REXO1: variants seen among roughly 807,000 people sequenced by gnomAD.
REXO1 encodes the protein RNA exonuclease 1 homolog.
Under a neutral mutation model 102.6 loss-of-function variants are expected in REXO1, and 42 were observed. The ratio of observed to expected loss-of-function variants is 0.41; its 90% CI spans 0.32 to 0.53. The LOEUF (loss-of-function observed/expected upper bound fraction) is 0.53, where lower values mean the gene tolerates loss of function less well. REXO1 is among the 20% of genes least tolerant of loss of function. REXO1 has a pLI of 0.27. For missense variants in REXO1, 1,819 were observed against 1,732.5 expected (o/e 1.05, Z -0.89); for synonymous variants, 908 against 779.1 (o/e 1.17, Z -2.76).
In REXO1 at chr19:1,815,931, C is replaced by G; in HGVS notation, c.*135G>C. 6.5e-7 allele frequency: 1 copy of G among 1,534,834 alleles called. No individual in the cohort carries two copies. Among genetic ancestry groups the G allele is most frequent in the African/African-American group, 1.4e-5 (1 of 73,118 alleles). ...GGCTGGGCTGGGCGTTCTCTGGCCG[C>G]CAGCTCATCCCGCTGCTCTGGGCTG... On this transcript the variant is annotated 3_prime_UTR_variant, in exon 16 of 16. Coordinates refer to ENST00000170168, the MANE Select transcript of REXO1 (RefSeq NM_020695.4). The surrounding 1 kb of genome is among the most constrained non-coding windows in gnomAD (Gnocchi z 4.0).
intron 1 of REXO1, among the ~76,000 whole-genome samples, chr19:1,834,203 C>T (rs1027661651): frequency 2.0e-5 from 3 of 152,148 alleles, no homozygotes; most frequent in Non-Finnish European, 2.9e-5. Context: ...AGCAGACACC[C>T]GCGAGCCCTT....
At chr19:1,821,383 G>A (rs2069534308) in intron 5 of REXO1, 136 bp downstream of exon 5, 1 of 973,334 alleles carries the variant, frequency 1.0e-6, no homozygotes, top group African/African-American at 1.7e-5. Context: ...GGGAGGGAAG[G>A]TGAAGGCTGT....
intron 1 of REXO1, among the ~76,000 whole-genome samples, chr19:1,842,518 C>T (rs867037255): frequency 6.6e-6 from 1 of 152,278 alleles, no homozygotes; most frequent in Admixed American, 6.5e-5. Flanking sequence ...AATATGAATA[C>T]CAAAACCAGC....
chr19:1,826,127 G>A lies in REXO1; in HGVS notation c.1912-184C>T, dbSNP rs1179705677. ...GGTGCAGTCGGAGGGGTGGGCAGGTGTCACACGTTCTGCAGATGCCCAAGG... is the reference window on the plus strand; with the variant it reads ...GGTGCAGTCGGAGGGGTGGGCAGGTATCACACGTTCTGCAGATGCCCAAGG... On this transcript the variant is annotated intron_variant, in intron 2 of 15. Coordinates refer to ENST00000170168, the MANE Select transcript of REXO1 (RefSeq NM_020695.4). The surrounding 1 kb of genome is among the most constrained non-coding windows in gnomAD (Gnocchi z 4.3). Among the ~76,000 whole-genome samples, 1 of 152,140 alleles carries A rather than the reference G, an allele frequency of 6.6e-6. No individual in the cohort carries two copies. Among genetic ancestry groups the A allele is most frequent in the Admixed American group, 6.5e-5 (1 of 15,284 alleles).
Position 1,828,230 on chromosome 19 carries a change from T to G in REXO1, c.559A>C (p.Arg187=). The change falls in exon 2 of 16, where the codon AGG becomes CGG. Residue 187 remains arginine, a synonymous_variant. Transcript: ENST00000170168. The part of the protein sequence containing the change: ...GSKYSLASLD[R]GQGRGGGGGG... The stretch of plus-strand genomic sequence containing the variant: ...CCCCCTCCACCTCTGCCCTGACCCC[T>G]GTCCAGGGACGCCAGCGAGTACTTG... 1 of 1,606,602 alleles carries G rather than the reference T, an allele frequency of 6.2e-7. No homozygotes were observed.
In REXO1 at chr19:1,826,960, G is replaced by C. The variant is rs752580102; in HGVS notation, c.1829C>G (p.Ser610Cys). Residue 610 changes from serine to cysteine, a missense_variant, in exon 2 of 16, where the codon TCC (serine) becomes TGC (cysteine). Coordinates refer to ENST00000170168, the MANE Select transcript of REXO1 (RefSeq NM_020695.4). This position sits in a 1 kb window ranked among gnomAD's most constrained non-coding sequence, Gnocchi z 4.3. ...SALEKEVDFD[S>C]DPMEECLRIF... ...CCGCAGGCACTCCTCCATGGGGTCG[G>C]AGTCAAAGTCCACCTCCTTCTCCAG... is the stretch of plus-strand genomic sequence containing the variant. 6.4e-7 allele frequency: 1 copy of C among 1,573,956 alleles called. No homozygotes were observed. The highest frequency in any genetic ancestry group is 1.3e-5 in the African/African-American group (1 of 74,268).
rs769103383 is a variant in REXO1, at chr19:1,828,617, G to A, written c.172C>T (p.Pro58Ser). ...APPAAGLGYD[P>S]YNPELPKPPA... ...GGCTTGGGCAGCTCAGGGTTGTAGG[G>A]GTCGTAACCCAGCCCTGAAGGGAAC... The change falls in exon 2 of 16, where the codon CCC becomes TCC. Residue 58 changes from proline (P) to serine (S), a missense_variant. By Grantham distance (74) the Pro-to-Ser change is moderately conservative. Transcript: ENST00000170168. 6 of 1,600,166 alleles carry A rather than the reference G, an allele frequency of 3.7e-6. No homozygotes were observed. Among genetic ancestry groups the A allele is most frequent in the Admixed American group, 1.7e-5 (1 of 59,900 alleles).
At chr19:1,818,059 T>C (rs2069423785) in intron 10 of REXO1, among the ~76,000 whole-genome samples, 2 of 152,146 alleles carry the variant, frequency 1.3e-5, no homozygotes, top group Admixed American at 6.5e-5. Context: ...GCGATGGCTT[T>C]AGGGGCCGCC....
intron 1 of REXO1, among the ~76,000 whole-genome samples, chr19:1,842,427 TCTC>T (rs2011326361): frequency 6.6e-6 from 1 of 152,202 alleles, no homozygotes. Flanking sequence ...TCTCCAGACA[TCTC>T]CTAACATTCC....
chr19:1,848,456 G>A lies in REXO1; in HGVS notation c.-98C>T, dbSNP rs1267780900. ...CCGCCGCCCGCGCCTCACGGACCCCGCCGCCGCCATCTTGCTCCGAGGCCC... is the reference window on the plus strand; with the variant it reads ...CCGCCGCCCGCGCCTCACGGACCCCACCGCCGCCATCTTGCTCCGAGGCCC... On this transcript the variant is annotated 5_prime_UTR_variant, in exon 1 of 16. Coordinates refer to ENST00000170168, the MANE Select transcript of REXO1 (RefSeq NM_020695.4). The A allele has an allele frequency of 3.4e-4, 310 of 915,752 alleles. 1 individual carries two copies. Among genetic ancestry groups the A allele is most frequent in the Middle Eastern group, 2.4e-3 (5 of 2,044 alleles). 56.7% of individuals were successfully genotyped at this position (915,752 alleles called of 1,614,324 possible).
In REXO1 at chr19:1,817,202, G is replaced by A; in HGVS notation, c.3201+17C>T. 6.2e-7 allele frequency: 1 copy of A among 1,610,950 alleles called. No individual in the cohort carries two copies. Among genetic ancestry groups the A allele is most frequent in the Non-Finnish European group, 8.5e-7 (1 of 1,179,890 alleles). ...TCCCCAATCCTGAACCCGACGCTGG[G>A]CAGAGAACAGCCTCACCATCTCGCA... is the stretch of plus-strand genomic sequence containing the variant. On this transcript the variant is annotated intron_variant, in intron 12 of 15. Transcript: ENST00000170168.
In REXO1 at chr19:1,827,432, G is replaced by C. The variant is rs200225027; in HGVS notation, c.1357C>G (p.Arg453Gly). 16 of 1,552,540 alleles carry C rather than the reference G, an allele frequency of 1.0e-5. No homozygotes were observed. Among genetic ancestry groups the C allele is most frequent in the Non-Finnish European group, 1.4e-5 (16 of 1,159,678 alleles). The stretch of plus-strand genomic sequence containing the variant: ...GTGGGGCTCGGCCGCCGCGCTGGCC[G>C]GTCAGGCCTCCCTTTCCCTGAGGTG... Reference protein sequence around the residue: ...VATSGKGRPDRPARRPSPTSG... With the variant: ...VATSGKGRPDGPARRPSPTSG... Residue 453 changes from arginine (R) to glycine (G), a missense_variant, in exon 2 of 16, where the codon CGG (arginine) becomes GGG (glycine). Physicochemically the swap from Arg to Gly is moderately radical, Grantham distance 125. Coordinates refer to ENST00000170168, the MANE Select transcript of REXO1 (RefSeq NM_020695.4).
chr19:1,839,452 G>A (rs2011199642), intron 1 of REXO1, among the ~76,000 whole-genome samples: 1 of 151,968 alleles, frequency 6.6e-6, no homozygotes, highest in African/African-American at 2.4e-5. Flanking sequence ...TCCACGGGGC[G>A]CTGCCCCTCA....
chr19:1,819,040 G>A lies in REXO1; in HGVS notation c.2742C>T (p.Ser914=). The A allele has an allele frequency of 6.2e-7, 1 of 1,602,364 alleles. No homozygotes were observed. The highest frequency in any genetic ancestry group is 1.1e-5 in the South Asian group (1 of 90,018). ...TACCTTTCAGGTCCTCCACCCGGGG[G>A]CTGCTTGGACGGCTGAGCGAGAAGC... ...KTSFSLSRPS[S]PRVEDLKGAA... is the part of the protein sequence containing the mutation. Residue 914 remains serine, a synonymous_variant, in exon 8 of 16, where the codon AGC becomes AGT. Transcript: ENST00000170168.
In REXO1 at chr19:1,819,921, C is replaced by T. The variant is rs199594531; in HGVS notation, c.2650+13G>A. On this transcript the variant is annotated intron_variant, in intron 7 of 15. Transcript: ENST00000170168. ...CAACCCTGAGCCTCCCCCGCCCACC[C>T]GCCAGGACTCACTGCTGAGGCCGGG... 1.0e-3 allele frequency: 1,603 copies of T among 1,567,088 alleles called. 5 individuals carry two copies. The highest frequency in any genetic ancestry group is 8.2e-3 in the African/African-American group (597 of 72,546).
chr19:1,843,403 C>T (rs943535203), intron 1 of REXO1, among the ~76,000 whole-genome samples: 1 of 152,186 alleles, frequency 6.6e-6, no homozygotes, highest in African/African-American at 2.4e-5. Flanking sequence ...AAGAAACGGC[C>T]TCAGCACCAC....
chr19:1,822,105 A>G, intron 4 of REXO1: 1 of 414,324 alleles, frequency 2.4e-6, no homozygotes, highest in South Asian at 7.2e-5. Flanking sequence ...GTCACAAACC[A>G]GAGGGAGGAG....
In REXO1 at chr19:1,826,929, G is replaced by A. The variant is rs1599142385; in HGVS notation, c.1860C>T (p.Phe620=). The change falls in exon 2 of 16, where the codon TTC becomes TTT. Residue 620 remains phenylalanine, a synonymous_variant. Transcript: ENST00000170168. This position sits in a 1 kb window ranked among gnomAD's most constrained non-coding sequence, Gnocchi z 4.3. ...CCGTCTTGACGCTGGTGGACTCGTT[G>A]AAGATCCGCAGGCACTCCTCCATGG... The part of the protein sequence containing the change: ...SDPMEECLRI[F]NESTSVKTED... The A allele has an allele frequency of 1.3e-6, 2 of 1,583,926 alleles. No individual in the cohort carries two copies. Among genetic ancestry groups the A allele is most frequent in the Admixed American group, 3.6e-5 (2 of 56,276 alleles).
Position 1,817,745 on chromosome 19 carries a change from A to G in REXO1, c.3052T>C (p.Ser1018Pro). 6.2e-7 allele frequency: 1 copy of G among 1,612,464 alleles called. No individual in the cohort carries two copies. The highest frequency in any genetic ancestry group is 1.1e-5 in the South Asian group (1 of 91,008). The change falls in exon 11 of 16, where the codon TCG becomes CCG. Residue 1018 changes from serine (S) to proline (P), a missense_variant. By Grantham distance (74) the Ser-to-Pro change is moderately conservative. Transcript: ENST00000170168. Reference protein sequence around the residue: ...GGWETQYMCCSAAAGSVGCQV... With the variant: ...GGWETQYMCCPAAAGSVGCQV... ...CAGCCGACAGAGCCGGCGGCAGCCG[A>G]GCAGCACATGTACTGGGTCTCCCAG...
Sources: gnomAD v4.1 joint callset for allele counts (sites outside exome capture counted in the v4.1 genomes callset) on GRCh38, gnomAD v4.1.1 for gene constraint, Gnocchi (gnomAD v3.1) non-coding constraint, MANE v1.5 for transcripts, NCBI Gene and HGNC (gene_info 2026-07-23, HGNC 2026-07-21) for gene names.